SIK2: variants seen among roughly 807,000 people sequenced by gnomAD.
SIK2 encodes serine/threonine-protein kinase SIK2.
Under a neutral mutation model 103.2 loss-of-function variants are expected in SIK2, and 29 were observed. The observed-to-expected ratio is 0.28, with a 90% CI of 0.21 to 0.38. The LOEUF is 0.38. Ranked by LOEUF, SIK2 falls within the 10% of genes least tolerant of loss-of-function variation. The pLI is 1.00. For missense variants in SIK2, 879 were observed against 1,171.0 expected (o/e 0.75, Z 3.64); for synonymous variants, 412 against 446.1 (o/e 0.92, Z 0.96).
At position 111,688,046 on chromosome 11, in the gene SIK2, G is replaced by A. The variant is rs186756809; in HGVS notation, c.362G>A (p.Arg121Gln). Reference protein sequence around the residue: ...HGRLNESEARRKFWQILSAVD... With the variant: ...HGRLNESEARQKFWQILSAVD... ...CGGTTAAATGAGTCTGAAGCCAGGC[G>A]AAAATTCTGGCAAATCCTGTCTGCT... is the stretch of plus-strand genomic sequence containing the variant. The change falls in exon 4 of 15, where the codon CGA (arginine) becomes CAA (glutamine). Residue 121 changes from arginine (R) to glutamine (Q), a missense_variant. Physicochemically the swap from Arg to Gln is conservative, Grantham distance 43. Around this residue, in one of 7 missense-constraint regions of SIK2, gnomAD observed 126 missense variants for 245.5 expected, o/e 0.51. Coordinates refer to ENST00000304987, the MANE Select transcript of SIK2 (RefSeq NM_015191.3). This position sits in a 1 kb window ranked among gnomAD's most constrained non-coding sequence, Gnocchi z 4.2. 33 of 1,614,140 alleles carry A rather than the reference G, an allele frequency of 2.0e-5. No homozygotes were observed. The highest frequency in any genetic ancestry group is 1.0e-4 in the Admixed American group (6 of 60,020).
chr11:111,614,995 C>A (rs1282392111), intron 1 of SIK2, among the ~76,000 whole-genome samples: 1 of 151,720 alleles, frequency 6.6e-6, no homozygotes, highest in Non-Finnish European at 1.5e-5. Context: ...AAAAATTAGC[C>A]AGACGTGGTG....
chr11:111,672,339 G>T (rs1054751469), intron 3 of SIK2: 2 of 480,290 alleles, frequency 4.2e-6, no homozygotes, highest in African/African-American at 4.0e-5. Context: ...TGGAGGAGCA[G>T]CTGCTGAAGG....
chr11:111,705,524 TAAGAC>T lies in SIK2; in HGVS notation c.1101+390_1101+394del, dbSNP rs980859963. 2.0e-5 allele frequency among the ~76,000 whole-genome samples: 3 copies of T among 151,990 alleles called. No homozygotes were observed. The highest frequency in any genetic ancestry group is 4.8e-5 in the African/African-American group (2 of 41,358). ...GAGACATCGCGCTATAAAAATGAAA[TAAGAC>T]AAGATCATAAACAACCATCATTCAA... is the stretch of plus-strand genomic sequence containing the variant. On this transcript the variant is annotated intron_variant, in intron 8 of 14. Coordinates refer to ENST00000304987, the MANE Select transcript of SIK2 (RefSeq NM_015191.3). The surrounding 1 kb of genome is among the most constrained non-coding windows in gnomAD (Gnocchi z 4.3).
At chr11:111,616,752 A>T (rs1440764486) in intron 2 of SIK2, among the ~76,000 whole-genome samples, 1 of 152,100 alleles carries the variant, frequency 6.6e-6, no homozygotes, top group Non-Finnish European at 1.5e-5. Flanking sequence ...AGGTTGAGGC[A>T]GGAGGATTGC....
Position 111,688,096 on chromosome 11 carries a change from A to G in SIK2, c.412A>G (p.Ile138Val). 6.2e-7 allele frequency: 1 copy of G among 1,614,150 alleles called. No individual in the cohort carries two copies. Among genetic ancestry groups the G allele is most frequent in the Non-Finnish European group, 8.5e-7 (1 of 1,180,020 alleles). ...TGTTGATTATTGTCATGGTCGGAAGATTGTGCACCGTGACCTCAAAGCTGA... is the reference window on the plus strand; with the variant it reads ...TGTTGATTATTGTCATGGTCGGAAGGTTGTGCACCGTGACCTCAAAGCTGA... ...SAVDYCHGRK[I>V]VHRDLKAENL... Residue 138 changes from isoleucine (I) to valine (V), a missense_variant, in exon 4 of 15, where the codon ATT (isoleucine) becomes GTT (valine). Physicochemically the swap from Ile to Val is conservative, Grantham distance 29. This residue lies in a region of SIK2 where 126 missense variants were observed against 245.5 expected (regional missense o/e 0.51). Coordinates refer to ENST00000304987, the MANE Select transcript of SIK2 (RefSeq NM_015191.3). This position sits in a 1 kb window ranked among gnomAD's most constrained non-coding sequence, Gnocchi z 4.2.
rs1485399611 is a variant in SIK2 at position 111,726,952 on chromosome 11, T to A, written c.*2823T>A. ...TACTTTATTTTTTATGTTCTTTTTT[T>A]AAATCTGGGGTATTAGTCTGTGCTT... is the stretch of plus-strand genomic sequence containing the variant. On this transcript the variant is annotated 3_prime_UTR_variant, in exon 15 of 15. Coordinates refer to ENST00000304987, the MANE Select transcript of SIK2 (RefSeq NM_015191.3). 6.2e-6 allele frequency: 10 copies of A among 1,611,984 alleles called. No homozygotes were observed. Among genetic ancestry groups the A allele is most frequent in the East Asian group, 2.2e-5 (1 of 44,864 alleles).
At chr11:111,692,245 G>A (rs970412901) in intron 4 of SIK2, among the ~76,000 whole-genome samples, 5 of 149,828 alleles carry the variant, frequency 3.3e-5, no homozygotes, top group African/African-American at 7.3e-5. Context: ...CAGCTACTCC[G>A]GAGGCTGAGG....
At position 111,703,342 on chromosome 11, in the gene SIK2, T is replaced by C; in HGVS notation, c.867T>C (p.Asn289=). 6.2e-7 allele frequency: 1 copy of C among 1,614,136 alleles called. No homozygotes were observed. Among genetic ancestry groups the C allele is most frequent in the East Asian group, 2.2e-5 (1 of 44,870 alleles). ...RPVLYPQEQE[N]EPSIGEFNEQ... is the part of the protein sequence containing the mutation. ...TTCTCTATCCACAAGAGCAAGAAAA[T>C]GAGCCATCCATCGGGGAGTTTAATG... Residue 289 remains asparagine (N), a synonymous_variant, in exon 7 of 15, where the codon AAT becomes AAC. Transcript: ENST00000304987.
intron 9 of SIK2, among the ~76,000 whole-genome samples, chr11:111,715,019 A>G (rs1338799817): frequency 1.3e-5 from 2 of 152,242 alleles, no homozygotes; most frequent in Admixed American, 6.5e-5. Flanking sequence ...GCTGTATTAT[A>G]TAGGGCAAGC....
chr11:111,617,524 A>G (rs1941823851), intron 2 of SIK2, among the ~76,000 whole-genome samples: 1 of 152,200 alleles, frequency 6.6e-6, no homozygotes, highest in Non-Finnish European at 1.5e-5. Context: ...TTGCAAGCCA[A>G]TTAACATGAT....
In SIK2 at chr11:111,641,420, ATTC is replaced by A. The variant is rs1156993025; in HGVS notation, c.316+21026_316+21028del. On this transcript the variant is annotated intron_variant, in intron 3 of 14. Coordinates refer to ENST00000304987, the MANE Select transcript of SIK2 (RefSeq NM_015191.3). The stretch of plus-strand genomic sequence containing the variant: ...AATTCTGTTAGCAGTTTGACCATTC[ATTC>A]TTCTTCTGACCCTGAATTACCTTGG... 2.2e-4 allele frequency among the ~76,000 whole-genome samples: 34 copies of A among 152,252 alleles called. 1 individual carries two copies. Among genetic ancestry groups the A allele is most frequent in the African/African-American group, 7.7e-4 (32 of 41,554 alleles).
At position 111,602,592 on chromosome 11, in the gene SIK2, T is replaced by C; in HGVS notation, c.29T>C (p.Leu10Ser). The change falls in exon 1 of 15, where the codon TTG becomes TCG. Residue 10 changes from leucine (L) to serine (S), a missense_variant. Leu to Ser is a moderately radical substitution (Grantham distance 145, BLOSUM62 -2). Around this residue, in one of 7 missense-constraint regions of SIK2, gnomAD observed 47 missense variants for 43.9 expected, o/e 1.07. Transcript: ENST00000304987. This position sits in a 1 kb window ranked among gnomAD's most constrained non-coding sequence, Gnocchi z 4.5. The stretch of plus-strand genomic sequence containing the variant: ...GTCATGGCGGATGGCCCGAGGCACT[T>C]GCAGCGCGGGCCGGTCCGGGTGGGG... MVMADGPRH[L>S]QRGPVRVGFY... 6.5e-7 allele frequency: 1 copy of C among 1,529,966 alleles called. No homozygotes were observed. The highest frequency in any genetic ancestry group is 1.2e-5 in the South Asian group (1 of 82,300). 94.8% of individuals were successfully genotyped at this position (1,529,966 alleles called of 1,614,324 possible). A position where few individuals can be genotyped will look rare whatever the true frequency, so the allele number is the denominator to read the frequency against.
rs940875073 is a variant in SIK2, at chr11:111,722,497, C to T, written c.2056-168C>T. On this transcript the variant is annotated intron_variant, in intron 13 of 14. Coordinates refer to ENST00000304987, the MANE Select transcript of SIK2 (RefSeq NM_015191.3). This position sits in a 1 kb window ranked among gnomAD's most constrained non-coding sequence, Gnocchi z 4.4. ...TGAGGTCAGAGATGGCCCAGGCCTG[C>T]GGGCCCGATGCTCTTTCAGGGTCTC... 5.3e-5 allele frequency among the ~76,000 whole-genome samples: 8 copies of T among 152,216 alleles called. No individual in the cohort carries two copies. The highest frequency in any genetic ancestry group is 5.9e-5 in the Non-Finnish European group (4 of 68,032).
At chr11:111,715,132 T>C (rs1943603473) in intron 9 of SIK2, among the ~76,000 whole-genome samples, 1 of 152,222 alleles carries the variant, frequency 6.6e-6, no homozygotes. Context: ...TTTGCATTTG[T>C]AGGAAGAGCA....
In SIK2 at chr11:111,705,957, A is replaced by G. The variant is rs928046562; in HGVS notation, c.1101+818A>G. 6.6e-6 allele frequency among the ~76,000 whole-genome samples: 1 copy of G among 152,204 alleles called. No individual in the cohort carries two copies. The highest frequency in any genetic ancestry group is 1.5e-5 in the Non-Finnish European group (1 of 68,028). On this transcript the variant is annotated intron_variant, in intron 8 of 14. Transcript: ENST00000304987. This position sits in a 1 kb window ranked among gnomAD's most constrained non-coding sequence, Gnocchi z 4.3. ...GTAGAAAAGAAGGGGCAAGTATAAGAACCATCTTAGAGGTAGACTCTGTAT... is the reference window on the plus strand; with the variant it reads ...GTAGAAAAGAAGGGGCAAGTATAAGGACCATCTTAGAGGTAGACTCTGTAT...
chr11:111,657,013 T>C (rs10891284), intron 3 of SIK2, among the ~76,000 whole-genome samples: 92,103 of 152,160 alleles, frequency 0.61, 31,153 homozygotes, highest in East Asian at 0.96. Flanking sequence ...ATCTGTTACT[T>C]ATAAGTCCTT....
intron 1 of SIK2, among the ~76,000 whole-genome samples, chr11:111,607,458 C>T (rs1941663280): frequency 6.6e-6 from 1 of 152,096 alleles, no homozygotes; most frequent in African/African-American, 2.4e-5. Context: ...GAAGAGAACT[C>T]ATTTTAAAAA....
At chr11:111,708,517 A>C (rs1182698895) in intron 8 of SIK2, among the ~76,000 whole-genome samples, 1 of 152,184 alleles carries the variant, frequency 6.6e-6, no homozygotes, top group East Asian at 1.9e-4. Flanking sequence ...AATTGAGTTG[A>C]GACTATTTAG....
intron 1 of SIK2, among the ~76,000 whole-genome samples, chr11:111,611,886 A>C (rs954843476): frequency 6.6e-6 from 1 of 152,190 alleles, no homozygotes; most frequent in Non-Finnish European, 1.5e-5. Flanking sequence ...CCAGAAATCT[A>C]AGTTCATTCT....
Sources: allele counts gnomAD v4.1 joint callset (sites outside exome capture counted in the v4.1 genomes callset), GRCh38; gene constraint gnomAD v4.1.1; regional missense constraint gnomAD v4.1.1; non-coding constraint Gnocchi (gnomAD v3.1); transcripts MANE v1.5; gene names NCBI Gene and HGNC (gene_info 2026-07-23, HGNC 2026-07-21).